CDK5RAP2: variants seen among roughly 807,000 people sequenced by gnomAD.
The protein encoded by CDK5RAP2 is CDK5 regulatory subunit associated protein 2.
In CDK5RAP2, 147 loss-of-function variants were observed where a neutral mutation model predicts 232.9. The ratio of observed to expected loss-of-function variants is 0.63; its 90% CI spans 0.55 to 0.72. CDK5RAP2 has a LOEUF of 0.72. Ranked by LOEUF, CDK5RAP2 falls within the 30% of genes least tolerant of loss-of-function variation. The pLI is 0.00. For synonymous variants in CDK5RAP2, 833 were observed against 833.7 expected (o/e 1.00, Z 0.01); for missense variants, 2,195 against 2,231.5 (o/e 0.98, Z 0.33).
chr9:120,445,191 T>C (rs79715975), intron 22 of CDK5RAP2, among the ~76,000 whole-genome samples: 2,286 of 152,320 alleles, frequency 0.015, 56 homozygotes, highest in African/African-American at 0.052. Flanking sequence ...GTTGTGGTCA[T>C]TTCTTTCCCA....
chr9:120,411,139 C>T (rs1199009566), intron 29 of CDK5RAP2, among the ~76,000 whole-genome samples: 1 of 152,220 alleles, frequency 6.6e-6, no homozygotes, highest in Non-Finnish European at 1.5e-5. Flanking sequence ...TCAACTGTCA[C>T]AACAGCCCTA....
chr9:120,486,747 A>G (rs1249830112), intron 14 of CDK5RAP2, among the ~76,000 whole-genome samples: 1 of 152,184 alleles, frequency 6.6e-6, no homozygotes, highest in Non-Finnish European at 1.5e-5. Flanking sequence ...CTCCAGAGAG[A>G]AGGTGACACT....
intron 7 of CDK5RAP2, among the ~76,000 whole-genome samples, chr9:120,534,564 T>C (rs1345741534): frequency 6.6e-6 from 1 of 152,188 alleles, no homozygotes; most frequent in Non-Finnish European, 1.5e-5. Context: ...ACCACTGTGC[T>C]GAGTAGAAGA....
chr9:120,453,512 G>A lies in CDK5RAP2; in HGVS notation c.2737C>T (p.His913Tyr). 6.2e-7 allele frequency: 1 copy of A among 1,613,946 alleles called. No homozygotes were observed. The highest frequency in any genetic ancestry group is 8.5e-7 in the Non-Finnish European group (1 of 1,180,032). ...GCAGCCTGCCACCCAGGCACCCCGTGCAGGTTCTCTGGCCGATGCTCTGCG... is the reference window on the plus strand; with the variant it reads ...GCAGCCTGCCACCCAGGCACCCCGTACAGGTTCTCTGGCCGATGCTCTGCG... ...LSAEHRPENL[H>Y]GVPGWQAALL... The change falls in exon 21 of 38, where the codon CAC becomes TAC. Residue 913 changes from histidine to tyrosine, a missense_variant. Physicochemically the swap from His to Tyr is moderately conservative, Grantham distance 83. Transcript: ENST00000349780.
At chr9:120,405,813 G>A (rs2131290006) in intron 32 of CDK5RAP2, among the ~76,000 whole-genome samples, 1 of 152,352 alleles carries the variant, frequency 6.6e-6, no homozygotes, top group South Asian at 2.1e-4. Flanking sequence ...ATTGGTGACT[G>A]AGAATAGCCT....
At chr9:120,418,988 T>C (rs973224179) in intron 27 of CDK5RAP2, among the ~76,000 whole-genome samples, 1 of 152,200 alleles carries the variant, frequency 6.6e-6, no homozygotes, top group Non-Finnish European at 1.5e-5. Flanking sequence ...AAAATTCCTA[T>C]GTTGAAGCTC....
intron 12 of CDK5RAP2, among the ~76,000 whole-genome samples, chr9:120,499,238 T>C (rs1224996597): frequency 6.6e-6 from 1 of 152,184 alleles, no homozygotes; most frequent in African/African-American, 2.4e-5. Flanking sequence ...TAATTCAGTG[T>C]TGAAAAGGAG....
At chr9:120,415,866 A>G (rs2034181429) in intron 27 of CDK5RAP2, among the ~76,000 whole-genome samples, 1 of 152,240 alleles carries the variant, frequency 6.6e-6, no homozygotes, top group South Asian at 2.1e-4. Flanking sequence ...TCACCTTAGC[A>G]CTGGATGTAA....
intron 12 of CDK5RAP2, among the ~76,000 whole-genome samples, chr9:120,494,760 C>T (rs1170585122): frequency 2.1e-5 from 2 of 93,470 alleles, no homozygotes; most frequent in Non-Finnish European, 3.8e-5. Flanking sequence ...AATCATCAGG[C>T]GGCGCCGGAG....
chr9:120,397,368 A>G (rs1362238763), intron 35 of CDK5RAP2, among the ~76,000 whole-genome samples: 1 of 151,900 alleles, frequency 6.6e-6, no homozygotes, highest in African/African-American at 2.4e-5. Flanking sequence ...TGTATCATCT[A>G]TAAAATATTT....
intron 12 of CDK5RAP2, among the ~76,000 whole-genome samples, chr9:120,493,308 T>C (rs1260971980): frequency 6.6e-6 from 1 of 152,198 alleles, no homozygotes; most frequent in East Asian, 1.9e-4. Context: ...AAGTTTGTGG[T>C]AATTTGTTGC....
At chr9:120,444,569 T>C (rs2036080714) in intron 22 of CDK5RAP2, among the ~76,000 whole-genome samples, 1 of 152,162 alleles carries the variant, frequency 6.6e-6, no homozygotes, top group African/African-American at 2.4e-5. Flanking sequence ...TAGAAGAAGG[T>C]AGATAAGGAG....
intron 5 of CDK5RAP2, among the ~76,000 whole-genome samples, chr9:120,544,751 C>G (rs904319607): frequency 6.6e-6 from 1 of 152,228 alleles, no homozygotes; most frequent in South Asian, 2.1e-4. Context: ...CAGAACAAAA[C>G]TTAGCACACT....
chr9:120,441,124 GTC>G (rs1203850595), intron 23 of CDK5RAP2, among the ~76,000 whole-genome samples: 1 of 152,192 alleles, frequency 6.6e-6, no homozygotes, highest in East Asian at 1.9e-4. Flanking sequence ...AGAAAGAGAT[GTC>G]TCATATGGTT....
chr9:120,418,221 T>G (rs2034352812), intron 27 of CDK5RAP2, among the ~76,000 whole-genome samples: 1 of 152,132 alleles, frequency 6.6e-6, no homozygotes, highest in South Asian at 2.1e-4. Context: ...GGTAACCCAC[T>G]AAGAGGGCAT....
chr9:120,577,967 A>ATATT (rs2043096991), intron 1 of CDK5RAP2, among the ~76,000 whole-genome samples: 1 of 152,228 alleles, frequency 6.6e-6, no homozygotes, highest in African/African-American at 2.4e-5. Context: ...GAGCAGATTT[A>ATATT]TATTTAAAAA....
At chr9:120,425,210 G>T (rs920010848) in intron 25 of CDK5RAP2, among the ~76,000 whole-genome samples, 2 of 152,118 alleles carry the variant, frequency 1.3e-5, no homozygotes, top group Non-Finnish European at 2.9e-5. Context: ...GACCCTCGAG[G>T]AGCTTGCAAC....
chr9:120,488,229 C>T (rs1406597103), intron 13 of CDK5RAP2, among the ~76,000 whole-genome samples: 1 of 152,170 alleles, frequency 6.6e-6, no homozygotes, highest in Non-Finnish European at 1.5e-5. Context: ...TTTATCCTTT[C>T]AAATTTTTAT....
chr9:120,408,401 G>A lies in CDK5RAP2; in HGVS notation c.4672C>T (p.Arg1558Ter), dbSNP rs373278668. Residue 1558 changes from arginine to a stop codon, truncating the protein, a stop_gained, in exon 31 of 38, where the codon CGA becomes TGA. Transcript: ENST00000349780. LOFTEE classifies it high-confidence loss of function. ...TTCTCATACGCCTTCAGCTCCACTC[G>A]GAGAGACTGCAATAGCTTGTCATTC... Reference protein sequence around the residue: ...SQNDKLLQSLRVELKAYEKLD... With the variant: ...SQNDKLLQSL The A allele has an allele frequency of 1.3e-5, 21 of 1,614,010 alleles. No individual in the cohort carries two copies. The highest frequency in any genetic ancestry group is 1.7e-5 in the Non-Finnish European group (20 of 1,180,028).
Sources: gnomAD v4.1 joint callset for allele counts (sites outside exome capture counted in the v4.1 genomes callset) on GRCh38, gnomAD v4.1.1 for gene constraint, MANE v1.5 for transcripts, NCBI Gene and HGNC (gene_info 2026-07-23, HGNC 2026-07-21) for gene names.